ZDHHC17: variants seen among roughly 807,000 people sequenced by gnomAD.
The protein encoded by ZDHHC17 is zDHHC palmitoyltransferase 17, also known as palmitoyltransferase ZDHHC17.
A neutral mutation model predicts 90.3 loss-of-function variants in ZDHHC17; 40 were observed. That is an observed-to-expected ratio of 0.44 (90% CI 0.34 to 0.58). ZDHHC17 has a LOEUF of 0.58. ZDHHC17 is among the 20% of genes least tolerant of loss of function. ZDHHC17 has a pLI of 0.01. For synonymous variants in ZDHHC17, 235 were observed against 252.4 expected (o/e 0.93, Z 0.65); for missense variants, 614 against 780.8 (o/e 0.79, Z 2.55).
intron 4 of ZDHHC17, 99 bp from the exon 5 acceptor site, chr12:76,809,614 C>G (rs371855157): frequency 2.5e-5 from 24 of 972,182 alleles, no homozygotes; most frequent in Non-Finnish European, 3.1e-5. Flanking sequence ...AAAATACATA[C>G]GTAATCTTCC....
rs10532028 is a variant in ZDHHC17, at chr12:76,836,339, G to GTA, written c.1142-5629_1142-5628dup. Among the ~76,000 whole-genome samples the GTA allele has an allele frequency of 4.6e-4, 70 of 150,856 alleles. 1 individual carries two copies. Among genetic ancestry groups the GTA allele is most frequent in the East Asian group, 3.3e-3 (17 of 5,146 alleles). On this transcript the variant is annotated intron_variant, in intron 10 of 16. Transcript: ENST00000426126. ...AATATATAGTTTATTTGACTCAATT[G>GTA]TATATATATATATATTTTAGTGATT...
At chr12:76,781,299 A>G (rs1417219680) in intron 1 of ZDHHC17, among the ~76,000 whole-genome samples, 1 of 152,222 alleles carries the variant, frequency 6.6e-6, no homozygotes, top group Non-Finnish European at 1.5e-5. Flanking sequence ...ACTTTTACAG[A>G]TGAGACCCAT....
intron 10 of ZDHHC17, among the ~76,000 whole-genome samples, chr12:76,837,250 C>T (rs988635922): frequency 6.6e-6 from 1 of 152,174 alleles, no homozygotes; most frequent in Non-Finnish European, 1.5e-5. Context: ...GCTCTTGTGC[C>T]TCAGACTCTC....
At chr12:76,835,866 T>C (rs919335026) in intron 10 of ZDHHC17, among the ~76,000 whole-genome samples, 1 of 152,044 alleles carries the variant, frequency 6.6e-6, no homozygotes, top group Non-Finnish European at 1.5e-5. Flanking sequence ...TACCAGTGAG[T>C]GTGATTTTAT....
At chr12:76,775,323 A>G (rs1952546490) in intron 1 of ZDHHC17, among the ~76,000 whole-genome samples, 1 of 152,158 alleles carries the variant, frequency 6.6e-6, no homozygotes, top group Non-Finnish European at 1.5e-5. Flanking sequence ...TAATAGTGAC[A>G]TTCTTTTAAG....
intron 8 of ZDHHC17, among the ~76,000 whole-genome samples, chr12:76,823,960 A>G (rs2137780729): frequency 6.6e-6 from 1 of 152,266 alleles, no homozygotes; most frequent in South Asian, 2.1e-4. Context: ...TGCTCAACAG[A>G]GTGAAAAATG....
chr12:76,778,014 C>T (rs7979759), intron 1 of ZDHHC17, among the ~76,000 whole-genome samples: 92,793 of 151,918 alleles, frequency 0.61, 28,372 homozygotes, highest in East Asian at 0.67. Context: ...ATGGGCATTA[C>T]CCTGTAGGCT....
In ZDHHC17 at chr12:76,851,120, C is replaced by CT. The variant is rs1047615368; in HGVS notation, c.*142dup. ...TAGGGCTAATGGTGAATTTTACAGTCTTTTTTTCAACACTTTTATTAACAA... is the reference window on the plus strand; with the variant it reads ...TAGGGCTAATGGTGAATTTTACAGTCTTTTTTTTCAACACTTTTATTAACAA... On this transcript the variant is annotated 3_prime_UTR_variant, in exon 17 of 17. Transcript: ENST00000426126. The CT allele has an allele frequency of 7.6e-6, 8 of 1,057,174 alleles. No homozygotes were observed. Among genetic ancestry groups the CT allele is most frequent in the South Asian group, 1.7e-5 (1 of 59,058 alleles). 65.5% of individuals were successfully genotyped at this position (1,057,174 alleles called of 1,614,324 possible).
At chr12:76,848,556 T>G (rs999617719) in intron 15 of ZDHHC17, among the ~76,000 whole-genome samples, 166 bp downstream of exon 15, 17 of 152,338 alleles carry the variant, frequency 1.1e-4, no homozygotes, top group African/African-American at 4.1e-4. Context: ...CTTCCTCTTC[T>G]CATATTGTGA....
At chr12:76,847,002 T>C (rs1015437396) in intron 14 of ZDHHC17, among the ~76,000 whole-genome samples, 1 of 152,232 alleles carries the variant, frequency 6.6e-6, no homozygotes, top group African/African-American at 2.4e-5. Context: ...TAGTAGCTTA[T>C]AGATTAAGTG....
intron 1 of ZDHHC17, among the ~76,000 whole-genome samples, chr12:76,784,047 A>G (rs1367797733): frequency 6.6e-6 from 1 of 152,252 alleles, no homozygotes; most frequent in African/African-American, 2.4e-5. Flanking sequence ...GAACTATAAG[A>G]TAATGAATTT....
At position 76,764,312 on chromosome 12, in the gene ZDHHC17, C is replaced by A; in HGVS notation, c.76C>A (p.Pro26Thr). ...GTACGATACCGAAGCGGGCTGTGTG[C>A]CCCTTCTCCACCCAGAGGTGAGGAA... The part of the protein sequence containing the change: ...DEYDTEAGCV[P>T]LLHPEEIKPQ... The change falls in exon 1 of 17, where the codon CCC (proline) becomes ACC (threonine). Residue 26 changes from proline (P) to threonine (T), a missense_variant. Around this residue, in one of 5 missense-constraint regions of ZDHHC17, gnomAD observed 358 missense variants for 380.4 expected, o/e 0.94. Transcript: ENST00000426126. 1.2e-6 allele frequency: 2 copies of A among 1,602,464 alleles called. No individual in the cohort carries two copies.
In ZDHHC17 at chr12:76,770,398, T is replaced by G. The variant is rs139656820; in HGVS notation, c.93+6069T>G. Among the ~76,000 whole-genome samples the G allele has an allele frequency of 2.8e-4, 43 of 152,312 alleles. No individual in the cohort carries two copies. In the East Asian group the frequency reaches 8.1e-3, roughly 29 times the overall value. On this transcript the variant is annotated intron_variant, in intron 1 of 16. Transcript: ENST00000426126. Reference sequence around the variant, plus strand: ...GTGTGCTTTGCTACAAGGGAGTGTTTATTGAGAATCCAAGTATGGTCTTGA... The same window carrying G: ...GTGTGCTTTGCTACAAGGGAGTGTTGATTGAGAATCCAAGTATGGTCTTGA...
intron 16 of ZDHHC17, 123 bp downstream of exon 16, chr12:76,849,593 A>T: frequency 1.6e-6 from 1 of 608,536 alleles, no homozygotes; most frequent in Non-Finnish European, 2.8e-6. Flanking sequence ...CTGTAGAAAT[A>T]GCATCAGTTC....
At chr12:76,850,667 A>T (rs900133857) in intron 16 of ZDHHC17, among the ~76,000 whole-genome samples, 180 bp from the exon 17 acceptor site, 23 of 152,254 alleles carry the variant, frequency 1.5e-4, no homozygotes, top group African/African-American at 5.5e-4. Context: ...TTGTTGGCAG[A>T]GCAGTGGAGA....
intron 10 of ZDHHC17, among the ~76,000 whole-genome samples, chr12:76,834,137 T>C (rs1429918787): frequency 1.3e-5 from 2 of 152,216 alleles, no homozygotes; most frequent in African/African-American, 4.8e-5. Flanking sequence ...TGTATCATTT[T>C]AGCAGTGGTT....
intron 16 of ZDHHC17, among the ~76,000 whole-genome samples, chr12:76,850,352 C>T (rs1462542862): frequency 6.6e-6 from 1 of 152,054 alleles, no homozygotes; most frequent in South Asian, 2.1e-4. Flanking sequence ...ATTATTTTGT[C>T]TTTTACTTTT....
chr12:76,837,095 G>T (rs925235227), intron 10 of ZDHHC17, among the ~76,000 whole-genome samples: 27 of 152,176 alleles, frequency 1.8e-4, no homozygotes, highest in Admixed American at 4.6e-4. Flanking sequence ...TCTCCATGGG[G>T]TTTTCTTACT....
At chr12:76,779,685 A>G (rs186114063) in intron 1 of ZDHHC17, among the ~76,000 whole-genome samples, 6 of 152,320 alleles carry the variant, frequency 3.9e-5, no homozygotes, top group East Asian at 1.9e-4. Flanking sequence ...GATGAAGTCT[A>G]TTCGACCAAT....
Sources: allele counts gnomAD v4.1 joint callset (sites outside exome capture counted in the v4.1 genomes callset), GRCh38; gene constraint gnomAD v4.1.1; regional missense constraint gnomAD v4.1.1; transcripts MANE v1.5; gene names NCBI Gene and HGNC (gene_info 2026-07-23, HGNC 2026-07-21).